The following SCFD2 variants were observed in gnomAD, a reference collection of about 807,000 sequenced individuals.
SCFD2 encodes the protein sec1 family domain-containing protein 2.
In SCFD2, 54 loss-of-function variants were observed where a neutral mutation model predicts 58.9. The observed-to-expected ratio is 0.92, with a 90% CI of 0.74 to 1.15. SCFD2 has a LOEUF of 1.15. Among genes scored for constraint, SCFD2 ranks in the 50% most tolerant of loss-of-function variants. The pLI is 0.00. For missense variants in SCFD2, 805 were observed against 836.6 expected (o/e 0.96, Z 0.47); for synonymous variants, 321 against 335.9 (o/e 0.96, Z 0.49).
intron 5 of SCFD2, among the ~76,000 whole-genome samples, chr4:53,006,152 C>T (rs1384870485): frequency 2.0e-5 from 3 of 152,210 alleles, no homozygotes; most frequent in African/African-American, 7.2e-5. Context: ...CCTCATCACT[C>T]CTGTTCCCAA....
intron 5 of SCFD2, among the ~76,000 whole-genome samples, chr4:52,968,422 T>A (rs1302497973): frequency 2.6e-5 from 4 of 152,246 alleles, no homozygotes; most frequent in African/African-American, 9.6e-5. Flanking sequence ...TTCTGTTTCA[T>A]GGCTGGGCTT....
intron 4 of SCFD2, among the ~76,000 whole-genome samples, chr4:53,247,466 A>G (rs1730126933): frequency 6.6e-6 from 1 of 152,264 alleles, no homozygotes; most frequent in African/African-American, 2.4e-5. Context: ...ATTATTCACA[A>G]TAGCAAAGAC....
intron 5 of SCFD2, among the ~76,000 whole-genome samples, chr4:53,121,857 C>T (rs545029785): frequency 8.7e-5 from 13 of 149,246 alleles, no homozygotes; most frequent in Non-Finnish European, 1.0e-4. Flanking sequence ...CTGCATTACC[C>T]GTGTGATTTT....
intron 5 of SCFD2, among the ~76,000 whole-genome samples, chr4:53,050,450 T>C (rs1227951478): frequency 2.0e-5 from 3 of 152,212 alleles, no homozygotes; most frequent in African/African-American, 7.2e-5. Flanking sequence ...AAGCTCAGAA[T>C]TGGATTAGAT....
intron 3 of SCFD2, among the ~76,000 whole-genome samples, chr4:53,290,520 A>G (rs1022600407): frequency 2.0e-5 from 3 of 152,270 alleles, no homozygotes; most frequent in African/African-American, 7.2e-5. Flanking sequence ...TATTAAAAAG[A>G]AGATCCGAAA....
intron 8 of SCFD2, among the ~76,000 whole-genome samples, chr4:52,878,132 C>T (rs910576765): frequency 6.6e-6 from 1 of 152,198 alleles, no homozygotes; most frequent in Non-Finnish European, 1.5e-5. Flanking sequence ...GTCCCCCTGG[C>T]TGTTGGTATC....
intron 5 of SCFD2, among the ~76,000 whole-genome samples, chr4:52,972,458 A>C (rs1721131163): frequency 6.6e-6 from 1 of 152,246 alleles, no homozygotes; most frequent in South Asian, 2.1e-4. Flanking sequence ...ATGCAACAAG[A>C]AGAGCTCACT....
chr4:53,243,258 C>G (rs1365637107), intron 4 of SCFD2, among the ~76,000 whole-genome samples: 1 of 152,062 alleles, frequency 6.6e-6, no homozygotes, highest in East Asian at 1.9e-4. Context: ...ACAGGGAAGC[C>G]CATCATACTA....
Position 53,037,608 on chromosome 4 carries a change from C to T in SCFD2, c.1561+107725G>A, listed in dbSNP as rs180786446. 2.3e-3 allele frequency among the ~76,000 whole-genome samples: 349 copies of T among 152,140 alleles called. 1 individual carries two copies. The highest frequency in any genetic ancestry group is 7.7e-3 in the African/African-American group (319 of 41,524). On this transcript the variant is annotated intron_variant, in intron 5 of 8. Coordinates refer to ENST00000401642, the MANE Select transcript of SCFD2 (RefSeq NM_152540.4). ...GTACATTATAGAAGCATTTGTGTTG[C>T]CAATCAGTAACTGTCTGACAAGTTA...
chr4:52,956,793 G>A (rs1720722709), intron 5 of SCFD2: 1 of 154,068 alleles, frequency 6.5e-6, no homozygotes, highest in Non-Finnish European at 1.4e-5. Flanking sequence ...TCAGAAGGAG[G>A]GCTGGGTGCC....
At chr4:53,158,257 G>A (rs1458520385) in intron 4 of SCFD2, among the ~76,000 whole-genome samples, 1 of 152,132 alleles carries the variant, frequency 6.6e-6, no homozygotes. Flanking sequence ...ACTTCTTTTG[G>A]TATAGCACTT....
At chr4:53,110,887 C>T (rs550169368) in intron 5 of SCFD2, among the ~76,000 whole-genome samples, 50 of 152,218 alleles carry the variant, frequency 3.3e-4, no homozygotes, top group African/African-American at 1.0e-3. Flanking sequence ...CACATGCACC[C>T]GTATGTTTAC....
chr4:52,882,239 G>A (rs1002517787), intron 8 of SCFD2, among the ~76,000 whole-genome samples: 2 of 152,158 alleles, frequency 1.3e-5, no homozygotes, highest in African/African-American at 4.8e-5. Flanking sequence ...GGAGGACATG[G>A]GAGCTATCTT....
At chr4:52,977,714 A>G (rs1185122128) in intron 5 of SCFD2, among the ~76,000 whole-genome samples, 1 of 152,198 alleles carries the variant, frequency 6.6e-6, no homozygotes, top group Admixed American at 6.5e-5. Context: ...TGAACATATA[A>G]TAAAGAGGAA....
intron 4 of SCFD2, among the ~76,000 whole-genome samples, chr4:53,172,174 T>C (rs1222249336): frequency 6.6e-6 from 1 of 151,704 alleles, no homozygotes; most frequent in East Asian, 1.9e-4. Flanking sequence ...ACCCAGCTAA[T>C]TTTTGTATTT....
Position 53,159,379 on chromosome 4 carries a change from G to A in SCFD2, c.1312-13797C>T, listed in dbSNP as rs138897639. On this transcript the variant is annotated intron_variant, in intron 4 of 8. Coordinates refer to ENST00000401642, the MANE Select transcript of SCFD2 (RefSeq NM_152540.4). ...GCCATCTTTCTTCAAAATATACATC[G>A]AGTCTACTACACATTTTCGTCTCCA... Among the ~76,000 whole-genome samples, 587 of 152,134 alleles carry A rather than the reference G, an allele frequency of 3.9e-3. 2 individuals are homozygous for A. Among genetic ancestry groups the A allele is most frequent in the African/African-American group, 0.013 (551 of 41,508 alleles).
At chr4:53,100,105 G>A (rs1291606643) in intron 5 of SCFD2, among the ~76,000 whole-genome samples, 1 of 152,152 alleles carries the variant, frequency 6.6e-6, no homozygotes, top group Non-Finnish European at 1.5e-5. Flanking sequence ...ATAGCAATCT[G>A]TTGCTTGTCA....
chr4:53,244,669 A>G lies in SCFD2; in HGVS notation c.1311+29157T>C, dbSNP rs563130663. 4.6e-5 allele frequency among the ~76,000 whole-genome samples: 7 copies of G among 152,234 alleles called. No homozygotes were observed. The South Asian group carries it at 1.4e-3, about 32-fold the overall frequency. ...GTCCACATCAAATTAACAACCTAAC[A>G]TCACAACTAAAAGAACTAGAGAAGC... On this transcript the variant is annotated intron_variant, in intron 4 of 8. Transcript: ENST00000401642.
At chr4:53,194,824 C>T (rs1728014160) in intron 4 of SCFD2, among the ~76,000 whole-genome samples, 2 of 152,158 alleles carry the variant, frequency 1.3e-5, no homozygotes, top group Non-Finnish European at 2.9e-5. Context: ...ACCCAGTACA[C>T]ACGAGCGACA....
Sources: gnomAD v4.1 joint callset for allele counts (sites outside exome capture counted in the v4.1 genomes callset) on GRCh38, gnomAD v4.1.1 for gene constraint, MANE v1.5 for transcripts, NCBI Gene and HGNC (gene_info 2026-07-23, HGNC 2026-07-21) for gene names.